CADM2: variants seen among roughly 807,000 people sequenced by gnomAD.
CADM2 encodes the protein immunoglobulin superfamily member 4D.
A neutral mutation model predicts 49.8 loss-of-function variants in CADM2; 12 were observed. The ratio of observed to expected loss-of-function variants is 0.24; its 90% CI spans 0.15 to 0.39. CADM2 has a LOEUF of 0.39. Ranked by LOEUF, CADM2 falls within the 10% of genes least tolerant of loss-of-function variation. The pLI, the probability that CADM2 is intolerant of heterozygous loss-of-function variation, is 1.00. For synonymous variants in CADM2, 214 were observed against 175.4 expected, an observed-to-expected ratio of 1.22 and a Z score of -1.74; for missense variants, 378 against 492.3, an observed-to-expected ratio of 0.77 and a Z score of 2.20.
At chr3:85,851,552 T>A (rs1224148335) in intron 3 of CADM2, among the ~76,000 whole-genome samples, 1 of 151,230 alleles carries the variant, frequency 6.6e-6, no homozygotes, top group Admixed American at 6.6e-5. Flanking sequence ...AGTTACTTTA[T>A]CATTTTTCAT....
intron 1 of CADM2, among the ~76,000 whole-genome samples, chr3:85,572,955 C>G (rs2062521815): frequency 6.6e-6 from 1 of 152,176 alleles, no homozygotes; most frequent in African/African-American, 2.4e-5. Flanking sequence ...TTAATCCAGA[C>G]AAGTTAACAC....
intron 8 of CADM2, among the ~76,000 whole-genome samples, chr3:86,025,867 G>A (rs1213701042): frequency 6.6e-6 from 1 of 152,034 alleles, no homozygotes; most frequent in Non-Finnish European, 1.5e-5. Flanking sequence ...GAATTTAAAG[G>A]CTAATAATAG....
At chr3:85,600,173 G>A (rs2063351067) in intron 1 of CADM2, among the ~76,000 whole-genome samples, 1 of 151,722 alleles carries the variant, frequency 6.6e-6, no homozygotes, top group African/African-American at 2.4e-5. Flanking sequence ...GCCATTTTAA[G>A]CATTTTTATA....
chr3:85,861,744 T>G (rs2075542338), intron 3 of CADM2, among the ~76,000 whole-genome samples: 1 of 152,166 alleles, frequency 6.6e-6, no homozygotes, highest in Non-Finnish European at 1.5e-5. Flanking sequence ...TAATGATTAA[T>G]AAGACACATA....
intron 1 of CADM2, among the ~76,000 whole-genome samples, chr3:85,651,063 T>C (rs1369719054): frequency 2.0e-5 from 3 of 151,722 alleles, no homozygotes; most frequent in African/African-American, 4.8e-5. Flanking sequence ...CTTTAACCAA[T>C]GAAATGTGAA....
intron 1 of CADM2, among the ~76,000 whole-genome samples, chr3:85,508,092 C>G (rs2040438261): frequency 6.6e-6 from 1 of 152,086 alleles, no homozygotes; most frequent in African/African-American, 2.4e-5. Flanking sequence ...ATATATAGAT[C>G]AGGAAAGAAA....
At chr3:85,943,611 A>G (rs1722255964) in intron 7 of CADM2, among the ~76,000 whole-genome samples, 1 of 152,042 alleles carries the variant, frequency 6.6e-6, no homozygotes, top group Admixed American at 6.6e-5. Flanking sequence ...AGACAAAAGA[A>G]CAAAGCTGGA....
At chr3:85,024,659 A>C (rs1193924712) in intron 1 of CADM2, among the ~76,000 whole-genome samples, 26 of 136,580 alleles carry the variant, frequency 1.9e-4, no homozygotes, top group Admixed American at 1.9e-3. Context: ...CAGTAATTAT[A>C]GTTTTTCTTT....
intron 3 of CADM2, among the ~76,000 whole-genome samples, chr3:85,877,440 G>C (rs1712044935): frequency 6.6e-6 from 1 of 151,796 alleles, no homozygotes; most frequent in Non-Finnish European, 1.5e-5. Context: ...CTTTATTTAG[G>C]TTCACTGTAT....
chr3:85,927,033 T>A (rs1287797194), intron 6 of CADM2, among the ~76,000 whole-genome samples: 1 of 152,214 alleles, frequency 6.6e-6, no homozygotes, highest in African/African-American at 2.4e-5. Flanking sequence ...ATGTTTCGTA[T>A]TCTGTACAAT....
intron 2 of CADM2, among the ~76,000 whole-genome samples, chr3:85,769,715 C>T (rs2069970923): frequency 6.9e-6 from 1 of 145,256 alleles, no homozygotes; most frequent in Non-Finnish European, 1.5e-5. Context: ...TTTTGCATAC[C>T]AATTTGATAC....
At chr3:85,315,446 A>C (rs1027128824) in intron 1 of CADM2, among the ~76,000 whole-genome samples, 3 of 152,168 alleles carry the variant, frequency 2.0e-5, no homozygotes, top group African/African-American at 7.2e-5. Flanking sequence ...TATAAGAAAA[A>C]CAAAATTTGA....
chr3:85,844,060 C>T (rs1261149682), intron 3 of CADM2, among the ~76,000 whole-genome samples: 2 of 152,032 alleles, frequency 1.3e-5, no homozygotes, highest in Non-Finnish European at 2.9e-5. Context: ...TGATAGGGGA[C>T]TGAAGCTTTC....
At chr3:85,814,805 A>G (rs2073109302) in intron 3 of CADM2, among the ~76,000 whole-genome samples, 1 of 151,926 alleles carries the variant, frequency 6.6e-6, no homozygotes, top group Non-Finnish European at 1.5e-5. Flanking sequence ...TTTATATCCT[A>G]TAGTGTTCTA....
chr3:85,007,482 G>T (rs2033789850), intron 1 of CADM2, among the ~76,000 whole-genome samples: 1 of 152,034 alleles, frequency 6.6e-6, no homozygotes, highest in African/African-American at 2.4e-5. Flanking sequence ...CCAACCCCTG[G>T]TCTAGTAGGT....
At chr3:85,816,795 A>C (rs575127876) in intron 3 of CADM2, among the ~76,000 whole-genome samples, 7 of 152,292 alleles carry the variant, frequency 4.6e-5, no homozygotes, top group African/African-American at 1.7e-4. Flanking sequence ...CAAAATATTA[A>C]ATTATGAATT....
intron 1 of CADM2, among the ~76,000 whole-genome samples, chr3:84,968,945 A>T (rs998948740): frequency 8.6e-5 from 13 of 152,018 alleles, no homozygotes; most frequent in Non-Finnish European, 1.5e-5. Context: ...ATTTGGATGC[A>T]ATTTGAATAC....
intron 1 of CADM2, among the ~76,000 whole-genome samples, chr3:85,372,861 A>T (rs557802765): frequency 6.6e-6 from 1 of 152,236 alleles, no homozygotes; most frequent in South Asian, 2.1e-4. Flanking sequence ...ATCAGAACTC[A>T]TGAGACTTAT....
At chr3:85,220,637 A>T (rs1054053504) in intron 1 of CADM2, among the ~76,000 whole-genome samples, 1 of 152,102 alleles carries the variant, frequency 6.6e-6, no homozygotes, top group Admixed American at 6.5e-5. Flanking sequence ...AGGTAAAATC[A>T]TATCTGGAAT....
Sources: gnomAD v4.1 joint callset for allele counts (sites outside exome capture counted in the v4.1 genomes callset) on GRCh38, gnomAD v4.1.1 for gene constraint, MANE v1.5 for transcripts, NCBI Gene and HGNC (gene_info 2026-07-23, HGNC 2026-07-21) for gene names.